ARHGAP20: variants seen among roughly 807,000 people sequenced by gnomAD.
ARHGAP20 encodes Rho GTPase activating protein 20.
ARHGAP20 carries 34 observed loss-of-function variants against 73.7 expected under a neutral mutation model. The observed-to-expected ratio is 0.46, with a 90% CI of 0.35 to 0.61. The LOEUF (loss-of-function observed/expected upper bound fraction) is 0.61. Among genes scored for constraint, ARHGAP20 ranks in the 20% least tolerant of loss-of-function variants. The pLI is 0.00. For synonymous variants in ARHGAP20, 523 were observed against 518.2 expected (o/e 1.01, Z -0.13); for missense variants, 1,314 against 1,420.9 (o/e 0.92, Z 1.21).
At chr11:110,629,124 T>C (rs1293532257) in intron 3 of ARHGAP20, among the ~76,000 whole-genome samples, 1 of 152,030 alleles carries the variant, frequency 6.6e-6, no homozygotes, top group Non-Finnish European at 1.5e-5. Flanking sequence ...TCTTAAAGTT[T>C]AGAAAATTGG....
chr11:110,667,365 T>C lies in ARHGAP20; in HGVS notation c.188+23182A>G, dbSNP rs142763574. 8.0e-3 allele frequency among the ~76,000 whole-genome samples: 1,219 copies of C among 152,276 alleles called. 6 individuals are homozygous for C. Among genetic ancestry groups the C allele is most frequent in the South Asian group, 0.021 (102 of 4,828 alleles). On this transcript the variant is annotated intron_variant, in intron 2 of 14. Transcript: ENST00000683387. ...AATCTACTCTGCTTGTGCTCTATCATTGGAGCAACAAAGTGTGGGTGACAG... is the reference window on the plus strand; with the variant it reads ...AATCTACTCTGCTTGTGCTCTATCACTGGAGCAACAAAGTGTGGGTGACAG...
chr11:110,711,268 C>T (rs971943003), intron 1 of ARHGAP20, among the ~76,000 whole-genome samples: 2 of 152,264 alleles, frequency 1.3e-5, no homozygotes, highest in South Asian at 2.1e-4. Context: ...ATCCCTCTCC[C>T]AGCTTTGACA....
Position 110,623,624 on chromosome 11 carries a change from CTATT to C in ARHGAP20, c.503+534_503+537del, listed in dbSNP as rs201961906. 3.2e-3 allele frequency among the ~76,000 whole-genome samples: 481 copies of C among 152,226 alleles called. 4 individuals are homozygous for C. The highest frequency in any genetic ancestry group is 0.011 in the African/African-American group (452 of 41,530). On this transcript the variant is annotated intron_variant, in intron 4 of 14. Coordinates refer to ENST00000683387, the MANE Select transcript of ARHGAP20 (RefSeq NM_001384657.1). The stretch of plus-strand genomic sequence containing the variant: ...TTAGTTTTATTTGTATAATAAAACA[CTATT>C]TATTTAAAAATTCAGGAGTATAAAC...
chr11:110,630,863 G>C (rs193068420), intron 2 of ARHGAP20, 71 bp from the exon 3 acceptor site: 1 of 1,509,048 alleles, frequency 6.6e-7, no homozygotes, highest in East Asian at 2.3e-5. Context: ...ACAAAATTCT[G>C]TAATTTTTTT....
intron 1 of ARHGAP20, among the ~76,000 whole-genome samples, chr11:110,708,204 C>A (rs545951791): frequency 2.0e-5 from 3 of 151,994 alleles, no homozygotes; most frequent in African/African-American, 7.2e-5. Flanking sequence ...CCATTAGATA[C>A]CACTTTACAT....
At chr11:110,643,424 C>T (rs1284414261) in intron 2 of ARHGAP20, among the ~76,000 whole-genome samples, 2 of 152,102 alleles carry the variant, frequency 1.3e-5, no homozygotes, top group East Asian at 3.9e-4. Flanking sequence ...TTCCTCTTAA[C>T]ACTGCTTCAG....
At chr11:110,669,016 AC>A (rs1949777756) in intron 2 of ARHGAP20, among the ~76,000 whole-genome samples, 1 of 152,182 alleles carries the variant, frequency 6.6e-6, no homozygotes, top group African/African-American at 2.4e-5. Context: ...AAACTATAAA[AC>A]TTCTAAAAGA....
chr11:110,581,332 C>A, intron 14 of ARHGAP20, 107 bp from the exon 15 acceptor site: 1 of 1,179,016 alleles, frequency 8.5e-7, no homozygotes. Context: ...AATTCCTACT[C>A]TCAAGAAAGA....
chr11:110,630,302 T>C (rs1337960908), intron 3 of ARHGAP20, among the ~76,000 whole-genome samples: 2 of 152,154 alleles, frequency 1.3e-5, no homozygotes, highest in East Asian at 3.9e-4. Flanking sequence ...AATCACAATT[T>C]GTCATTCTCC....
intron 3 of ARHGAP20, among the ~76,000 whole-genome samples, chr11:110,626,835 T>C (rs985096308): frequency 6.6e-6 from 1 of 152,082 alleles, no homozygotes; most frequent in Non-Finnish European, 1.5e-5. Context: ...TAAAGCTAGA[T>C]GGACTAGTTT....
intron 1 of ARHGAP20, among the ~76,000 whole-genome samples, chr11:110,694,218 G>A (rs768359540): frequency 1.3e-5 from 2 of 151,778 alleles, no homozygotes; most frequent in Non-Finnish European, 3.0e-5. Flanking sequence ...AAAAAATGAG[G>A]AGGAGAATGG....
At chr11:110,661,703 A>G (rs1280654403) in intron 2 of ARHGAP20, among the ~76,000 whole-genome samples, 20 of 152,108 alleles carry the variant, frequency 1.3e-4, no homozygotes. Context: ...CTTCACACGA[A>G]TAGATATTTA....
intron 11 of ARHGAP20, among the ~76,000 whole-genome samples, chr11:110,589,232 T>A (rs557277088): frequency 2.6e-5 from 4 of 152,364 alleles, no homozygotes; most frequent in African/African-American, 9.6e-5. Context: ...ATTTTTATTG[T>A]GTTCCAGGAT....
In ARHGAP20 at chr11:110,579,705, G is replaced by C; in HGVS notation, c.3241C>G (p.Pro1081Ala). ...TCCTCTTGCAGTGAGTTGGCTTCTG[G>C]AACACCAGAAGCATGTGGGGGTGGC... Reference protein sequence around the residue: ...LEPPPHASGVPEANSLQEEQK... With the variant: ...LEPPPHASGVAEANSLQEEQK... The change falls in exon 15 of 15, where the codon CCA (proline) becomes GCA (alanine). Residue 1081 changes from proline (P) to alanine (A), a missense_variant. Pro to Ala is a conservative substitution (Grantham distance 27). Coordinates refer to ENST00000683387, the MANE Select transcript of ARHGAP20 (RefSeq NM_001384657.1). The C allele has an allele frequency of 6.2e-7, 1 of 1,614,158 alleles. No homozygotes were observed. The highest frequency in any genetic ancestry group is 8.5e-7 in the Non-Finnish European group (1 of 1,180,024).
chr11:110,646,960 C>A (rs571340339), intron 2 of ARHGAP20, among the ~76,000 whole-genome samples: 2 of 151,074 alleles, frequency 1.3e-5, no homozygotes, highest in Admixed American at 1.3e-4. Context: ...AGAAAATTTT[C>A]AAAAAAAATA....
intron 6 of ARHGAP20, among the ~76,000 whole-genome samples, chr11:110,612,358 G>A (rs1288983889): frequency 2.6e-5 from 4 of 151,548 alleles, no homozygotes. Flanking sequence ...AACCCGGGAG[G>A]CGGAGCTTGC....
chr11:110,578,591 G>A lies in ARHGAP20; in HGVS notation c.*779C>T, dbSNP rs1414193205. The A allele has an allele frequency of 1.0e-6, 1 of 985,252 alleles. No individual in the cohort carries two copies. The allele number at this position is 985,252 out of a possible 1,614,324, so 61.0% of individuals were successfully genotyped here. The stretch of plus-strand genomic sequence containing the variant: ...GTTGCATTTCTGAAGAATGTTCCTA[G>A]GCAGAGATACCTTTGAAAGGGTACT... On this transcript the variant is annotated 3_prime_UTR_variant, in exon 15 of 15. Transcript: ENST00000683387.
intron 3 of ARHGAP20, 135 bp from the exon 4 acceptor site, chr11:110,624,446 A>T: frequency 1.5e-5 from 9 of 618,462 alleles, no homozygotes; most frequent in Non-Finnish European, 2.4e-5. Context: ...CTCACTCATA[A>T]GAGTGAGAGC....
At chr11:110,634,738 G>A (rs1235884403) in intron 2 of ARHGAP20, among the ~76,000 whole-genome samples, 2 of 152,148 alleles carry the variant, frequency 1.3e-5, no homozygotes, top group East Asian at 3.8e-4. Context: ...AACTAAACAT[G>A]TATCCAAAAG....
Sources: allele counts gnomAD v4.1 joint callset (sites outside exome capture counted in the v4.1 genomes callset), GRCh38; gene constraint gnomAD v4.1.1; transcripts MANE v1.5; gene names NCBI Gene and HGNC (gene_info 2026-07-23, HGNC 2026-07-21).